HTR1F: variants seen among roughly 807,000 people sequenced by gnomAD.
The protein encoded by HTR1F is 5-hydroxytryptamine receptor 1F.
Under a neutral mutation model 24.0 loss-of-function variants are expected in HTR1F, and 17 were observed. The observed-to-expected ratio is 0.71, with a 90% CI of 0.48 to 1.06. The LOEUF (loss-of-function observed/expected upper bound fraction) is 1.06, where lower values mean the gene tolerates loss of function less well. Among genes scored for constraint, HTR1F ranks in the 50% least tolerant of loss-of-function variants. The pLI is 0.00. For synonymous variants in HTR1F, 186 were observed against 156.8 expected (o/e 1.19, Z -1.39); for missense variants, 391 against 427.8 (o/e 0.91, Z 0.76).
chr3:87,948,487 G>GT (rs1161545362), intron 2 of HTR1F, among the ~76,000 whole-genome samples: 32 of 150,598 alleles, frequency 2.1e-4, no homozygotes, highest in South Asian at 6.3e-4. Flanking sequence ...TTTTTTATAT[G>GT]CTTTTTTTTT....
At chr3:87,952,667 T>C (rs905273364) in intron 2 of HTR1F, among the ~76,000 whole-genome samples, 2 of 151,992 alleles carry the variant, frequency 1.3e-5, no homozygotes, top group Non-Finnish European at 1.5e-5. Flanking sequence ...GCGTAATTTC[T>C]GACAAAATTC....
chr3:87,975,886 T>G (rs1705385376), intron 2 of HTR1F, among the ~76,000 whole-genome samples: 1 of 152,248 alleles, frequency 6.6e-6, no homozygotes, highest in African/African-American at 2.4e-5. Flanking sequence ...GAACATTCTG[T>G]AATACCATTA....
Position 87,842,684 on chromosome 3 carries a change from A to G in HTR1F, c.-43+20560A>G, listed in dbSNP as rs573008998. 1.9e-4 allele frequency among the ~76,000 whole-genome samples: 29 copies of G among 152,080 alleles called. 3 individuals are homozygous for G. The highest frequency in any genetic ancestry group is 7.0e-4 in the African/African-American group (29 of 41,364). ...ATGGCTTTACAATTTCTAATGTAAA[A>G]CAGTATCCAAATTTCTGGAGGAGAA... On this transcript the variant is annotated intron_variant, in intron 2 of 2. Coordinates refer to ENST00000319595, the MANE Select transcript of HTR1F (RefSeq NM_001322209.2).
At chr3:87,942,323 G>C (rs1405790346) in intron 2 of HTR1F, among the ~76,000 whole-genome samples, 1 of 152,136 alleles carries the variant, frequency 6.6e-6, no homozygotes, top group Non-Finnish European at 1.5e-5. Context: ...GATAGTGACA[G>C]ATCTGGAGGA....
At chr3:87,987,773 A>T (rs1427697979) in intron 2 of HTR1F, among the ~76,000 whole-genome samples, 2 of 137,476 alleles carry the variant, frequency 1.5e-5, no homozygotes, top group Non-Finnish European at 3.1e-5. Flanking sequence ...TATGTATTTT[A>T]TATATGTATT....
intron 2 of HTR1F, among the ~76,000 whole-genome samples, chr3:87,884,528 T>C (rs561190293): frequency 7.9e-5 from 12 of 152,258 alleles, no homozygotes; most frequent in South Asian, 2.1e-4. Flanking sequence ...ATGGGCTAAA[T>C]GCCTCAATTA....
At chr3:87,825,420 A>G (rs1704442919) in intron 2 of HTR1F, among the ~76,000 whole-genome samples, 1 of 152,150 alleles carries the variant, frequency 6.6e-6, no homozygotes, top group Non-Finnish European at 1.5e-5. Flanking sequence ...TCACTAAAAT[A>G]TGTACTATTG....
intron 2 of HTR1F, among the ~76,000 whole-genome samples, chr3:87,973,386 C>T (rs1197338377): frequency 6.6e-6 from 1 of 152,072 alleles, no homozygotes; most frequent in East Asian, 1.9e-4. Flanking sequence ...TTTCTTCTCT[C>T]AAAAATGCTC....
At chr3:87,883,951 C>T (rs894978653) in intron 2 of HTR1F, among the ~76,000 whole-genome samples, 4 of 152,144 alleles carry the variant, frequency 2.6e-5, no homozygotes, top group Non-Finnish European at 5.9e-5. Context: ...CTTCCCCAAC[C>T]TAGCAAGGCA....
chr3:87,948,359 G>T (rs1704758408), intron 2 of HTR1F, among the ~76,000 whole-genome samples: 1 of 152,104 alleles, frequency 6.6e-6, no homozygotes, highest in African/African-American at 2.4e-5. Context: ...GTATTTTATT[G>T]TATCTAAAAA....
At chr3:87,845,922 G>A (rs992788698) in intron 2 of HTR1F, among the ~76,000 whole-genome samples, 1 of 151,810 alleles carries the variant, frequency 6.6e-6, no homozygotes, top group African/African-American at 2.4e-5. Flanking sequence ...AATTCCTTAG[G>A]AGCATGGATT....
Position 87,991,399 on chromosome 3 carries a change from C to T in HTR1F, c.650C>T (p.Ala217Val). ...AAKTLYHKRQ[A>V]SRIAKEEVNG... ...AAGACATTATACCACAAGAGACAAG[C>T]AAGTAGGATTGCAAAGGAGGAGGTG... Residue 217 changes from alanine (A) to valine (V), a missense_variant, in exon 3 of 3, where the codon GCA becomes GTA. By Grantham distance (64) the Ala-to-Val change is moderately conservative. Transcript: ENST00000319595. 1 of 1,613,840 alleles carries T rather than the reference C, an allele frequency of 6.2e-7. No homozygotes were observed.
chr3:87,929,227 A>G (rs577603860), intron 2 of HTR1F, among the ~76,000 whole-genome samples: 1 of 152,310 alleles, frequency 6.6e-6, no homozygotes, highest in East Asian at 1.9e-4. Context: ...AGCACATGGC[A>G]CCTGGCATGT....
chr3:87,940,265 G>A (rs1247442340), intron 2 of HTR1F, among the ~76,000 whole-genome samples: 1 of 152,166 alleles, frequency 6.6e-6, no homozygotes, highest in South Asian at 2.1e-4. Flanking sequence ...GCCATTTGCT[G>A]AGGAGTGTTT....
intron 1 of HTR1F, among the ~76,000 whole-genome samples, chr3:87,815,656 G>A (rs922747434): frequency 1.3e-5 from 2 of 152,072 alleles, no homozygotes; most frequent in African/African-American, 4.8e-5. Context: ...GACAAGGGAA[G>A]TAACATGATG....
intron 2 of HTR1F, among the ~76,000 whole-genome samples, chr3:87,910,705 T>A (rs570205973): frequency 6.6e-6 from 1 of 152,050 alleles, no homozygotes; most frequent in African/African-American, 2.4e-5. Flanking sequence ...ACTCTAAAAT[T>A]GAACACACAG....
At chr3:87,894,892 G>A (rs1201599014) in intron 2 of HTR1F, among the ~76,000 whole-genome samples, 1 of 152,196 alleles carries the variant, frequency 6.6e-6, no homozygotes, top group African/African-American at 2.4e-5. Flanking sequence ...AATACCTCAA[G>A]GAGTTTTTGA....
chr3:87,917,455 T>C (rs981767094), intron 2 of HTR1F, among the ~76,000 whole-genome samples: 1 of 148,374 alleles, frequency 6.7e-6, no homozygotes, highest in African/African-American at 2.5e-5. Context: ...CTAAAATTGA[T>C]AGATTGTTAG....
chr3:87,891,958 G>C (rs1706095610), intron 2 of HTR1F, among the ~76,000 whole-genome samples: 1 of 152,132 alleles, frequency 6.6e-6, no homozygotes, highest in African/African-American at 2.4e-5. Flanking sequence ...TTCCTGTTGA[G>C]CTGCCAACTC....
Sources: gnomAD v4.1 joint callset for allele counts (sites outside exome capture counted in the v4.1 genomes callset) on GRCh38, gnomAD v4.1.1 for gene constraint, MANE v1.5 for transcripts, NCBI Gene and HGNC (gene_info 2026-07-23, HGNC 2026-07-21) for gene names.